ARHGAP39: variants seen among roughly 807,000 people sequenced by gnomAD.
ARHGAP39 encodes the protein rho GTPase-activating protein 39.
A neutral mutation model predicts 106.9 loss-of-function variants in ARHGAP39; 44 were observed. That is an observed-to-expected ratio of 0.41 (90% CI 0.32 to 0.53). The LOEUF is 0.53. ARHGAP39 is among the 20% of genes least tolerant of loss of function. The probability of loss-of-function intolerance (pLI) is 0.21; values close to 1 mark genes in which losing one functional copy is unlikely to be tolerated. For synonymous variants in ARHGAP39, 768 were observed against 693.2 expected (o/e 1.11, Z -1.69); for missense variants, 1,496 against 1,577.3 (o/e 0.95, Z 0.87).
intron 1 of ARHGAP39, among the ~76,000 whole-genome samples, chr8:144,620,998 G>C (rs1184807777): frequency 6.6e-6 from 1 of 152,286 alleles, no homozygotes; most frequent in Non-Finnish European, 1.5e-5. Context: ...AGCCTGTGAA[G>C]GCCTGCTTTG....
At chr8:144,668,475 C>T (rs915420380) in intron 1 of ARHGAP39, among the ~76,000 whole-genome samples, 1 of 151,974 alleles carries the variant, frequency 6.6e-6, no homozygotes, top group Non-Finnish European at 1.5e-5. Flanking sequence ...AAAACCAATA[C>T]TTAGCAGGAA....
chr8:144,598,723 A>T (rs1819725824), intron 2 of ARHGAP39, among the ~76,000 whole-genome samples: 1 of 152,246 alleles, frequency 6.6e-6, no homozygotes, highest in Non-Finnish European at 1.5e-5. Context: ...CTCTTTCTCC[A>T]GTCACCTGGA....
intron 1 of ARHGAP39, among the ~76,000 whole-genome samples, chr8:144,607,469 G>A (rs925626075): frequency 3.3e-5 from 5 of 152,154 alleles, no homozygotes; most frequent in South Asian, 2.1e-4. Context: ...CACATGTGCC[G>A]CTACACTCCA....
chr8:144,648,973 G>A (rs1821510378), intron 1 of ARHGAP39, among the ~76,000 whole-genome samples: 1 of 151,764 alleles, frequency 6.6e-6, no homozygotes, highest in Non-Finnish European at 1.5e-5. Context: ...CAATCCCAAA[G>A]CTAAAAAAAG....
intron 1 of ARHGAP39, among the ~76,000 whole-genome samples, chr8:144,667,037 T>C (rs1382334168): frequency 2.0e-5 from 3 of 152,234 alleles, no homozygotes; most frequent in East Asian, 1.9e-4. Context: ...AATTTTTCCA[T>C]AAAACCATTT....
intron 7 of ARHGAP39, among the ~76,000 whole-genome samples, chr8:144,536,915 C>T (rs1368015508): frequency 1.3e-5 from 2 of 152,194 alleles, no homozygotes; most frequent in African/African-American, 2.4e-5. Context: ...GGTGCCTAAG[C>T]CAAGTGGTCT....
chr8:144,659,583 C>T (rs941529808), intron 1 of ARHGAP39, among the ~76,000 whole-genome samples: 27 of 152,186 alleles, frequency 1.8e-4, no homozygotes, highest in African/African-American at 6.0e-4. Context: ...GTTCCAAGTT[C>T]AAGCTTAATT....
At chr8:144,677,684 G>GA (rs1554614721) in intron 1 of ARHGAP39, among the ~76,000 whole-genome samples, 2 of 151,270 alleles carry the variant, frequency 1.3e-5, no homozygotes, top group African/African-American at 2.4e-5. Flanking sequence ...AAAGGGTAAG[G>GA]AAAAAAACAG....
chr8:144,639,766 A>C, intron 1 of ARHGAP39, among the ~76,000 whole-genome samples: 1 of 152,240 alleles, frequency 6.6e-6, no homozygotes, highest in East Asian at 1.9e-4. Flanking sequence ...GCTGACACAA[A>C]CAGGCCTCTC....
the ARHGAP39 span, chr8:144,698,598 C>G: frequency 3.6e-6 from 1 of 278,510 alleles, no homozygotes; most frequent in Middle Eastern, 1.3e-3. Context: ...AATCACCTCT[C>G]TAATCTGTTT....
At chr8:144,688,451 C>T (rs1249070568), upstream of ARHGAP39, among the ~76,000 whole-genome samples, 2 of 152,172 alleles carry the variant, frequency 1.3e-5, no homozygotes, top group South Asian at 2.1e-4. Flanking sequence ...TCTAAAGTCC[C>T]CACTAATGGA....
chr8:144,682,046 A>G (rs1239701066), intron 1 of ARHGAP39, among the ~76,000 whole-genome samples: 1 of 152,052 alleles, frequency 6.6e-6, no homozygotes, highest in East Asian at 1.9e-4. Flanking sequence ...AGGCGGGCAG[A>G]TCACGAGGTC....
At chr8:144,576,287 T>TGCACCAC (rs1436435677) in intron 3 of ARHGAP39, among the ~76,000 whole-genome samples, 1 of 139,452 alleles carries the variant, frequency 7.2e-6, no homozygotes. Context: ...GAGCCGAGAT[T>TGCACCAC]GCACCACTGC....
At chr8:144,665,000 G>A (rs1246018685) in intron 1 of ARHGAP39, among the ~76,000 whole-genome samples, 2 of 152,214 alleles carry the variant, frequency 1.3e-5, no homozygotes, top group Non-Finnish European at 2.9e-5. Flanking sequence ...GGGAAAGTCT[G>A]GAACCTCCTA....
chr8:144,658,956 AC>A (rs1348715533), intron 1 of ARHGAP39, among the ~76,000 whole-genome samples: 1 of 152,174 alleles, frequency 6.6e-6, no homozygotes, highest in Non-Finnish European at 1.5e-5. Flanking sequence ...CTGATGAAAG[AC>A]ATTTAAGAGG....
rs960830378 is a variant in ARHGAP39 at position 144,529,601 on chromosome 8, GCT to G, written c.*819_*820del. The G allele has an allele frequency of 1.3e-5, 2 of 152,212 alleles. No homozygotes were observed. The highest frequency in any genetic ancestry group is 2.9e-5 in the Non-Finnish European group (2 of 68,048). The allele number at this position is 152,212 out of a possible 1,614,324, so 9.4% of individuals were successfully genotyped here. On this transcript the variant is annotated 3_prime_UTR_variant, in exon 12 of 12. Transcript: ENST00000377307. ...AGAAAAGAAGGAATGACCTCAACTT[GCT>G]CTGCACGGAGGACGGGGACGGCTCA...
chr8:144,581,330 C>T (rs1007971344), intron 2 of ARHGAP39, 53 bp from the exon 3 acceptor site: 3 of 1,485,226 alleles, frequency 2.0e-6, no homozygotes, highest in East Asian at 2.5e-5. Context: ...TGGGCCCGCG[C>T]CTCCCACCCC....
At chr8:144,600,398 G>A (rs997130866) in intron 2 of ARHGAP39, among the ~76,000 whole-genome samples, 2 of 149,404 alleles carry the variant, frequency 1.3e-5, no homozygotes, top group Non-Finnish European at 3.0e-5. Flanking sequence ...GTGTGGAGGC[G>A]TGTGTGTGCA....
At chr8:144,589,126 G>C (rs978308257) in intron 2 of ARHGAP39, among the ~76,000 whole-genome samples, 1 of 152,188 alleles carries the variant, frequency 6.6e-6, no homozygotes, top group Non-Finnish European at 1.5e-5. Context: ...GCATGACGGC[G>C]AGGGTATCGG....
Sources: allele counts gnomAD v4.1 joint callset (sites outside exome capture counted in the v4.1 genomes callset), GRCh38; gene constraint gnomAD v4.1.1; transcripts MANE v1.5; gene names NCBI Gene and HGNC (gene_info 2026-07-23, HGNC 2026-07-21).